The following NAPEPLD variants were observed in gnomAD, a reference collection of about 807,000 sequenced individuals.
NAPEPLD encodes the protein N-acyl-phosphatidylethanolamine-hydrolyzing phospholipase D.
NAPEPLD carries 23 observed loss-of-function variants against 38.1 expected under a neutral mutation model. The observed-to-expected ratio is 0.60, with a 90% CI of 0.43 to 0.86. NAPEPLD has a LOEUF of 0.86. NAPEPLD is among the 40% of genes least tolerant of loss of function. NAPEPLD has a pLI of 0.00. For missense variants in NAPEPLD, 411 were observed against 476.8 expected, an observed-to-expected ratio of 0.86 and a Z score of 1.28; for synonymous variants, 147 against 162.0, an observed-to-expected ratio of 0.91 and a Z score of 0.71.
At chr7:103,147,024 T>C (rs1036628764) in intron 1 of NAPEPLD, among the ~76,000 whole-genome samples, 8 of 152,250 alleles carry the variant, frequency 5.3e-5, no homozygotes, top group African/African-American at 1.9e-4. Flanking sequence ...TGCAGAAGAC[T>C]ATCTCTAACA....
At chr7:103,131,271 G>C (rs562686348) in intron 1 of NAPEPLD, among the ~76,000 whole-genome samples, 4 of 152,030 alleles carry the variant, frequency 2.6e-5, no homozygotes, top group African/African-American at 9.6e-5. Context: ...AAGGGAGAAA[G>C]GAAAAAAGGA....
chr7:103,145,984 C>T (rs180725393), intron 1 of NAPEPLD, among the ~76,000 whole-genome samples: 8,765 of 151,946 alleles, frequency 0.058, 353 homozygotes, highest in African/African-American at 0.11. Flanking sequence ...CACACACACA[C>T]ACACGCACGC....
chr7:103,128,863 T>C, intron 1 of NAPEPLD, 71 bp from the exon 2 acceptor site: 3 of 1,453,932 alleles, frequency 2.1e-6, no homozygotes, highest in Non-Finnish European at 2.8e-6. Context: ...AGGTACTATT[T>C]GTTAGCCAAT....
chr7:103,131,828 C>T (rs867842748), intron 1 of NAPEPLD, among the ~76,000 whole-genome samples: 1 of 152,186 alleles, frequency 6.6e-6, no homozygotes. Context: ...AGGCTGTGTA[C>T]TTAAGGGCTG....
At position 103,119,916 on chromosome 7, in the gene NAPEPLD, T is replaced by C. The variant is rs1368431813; in HGVS notation, c.602A>G (p.Glu201Gly). ...LDYNSVIALN[E>G]RFGNELRWFV... ...CCATCTCAACTCATTACCAAATCGCTCATTCAAAGCAATGACAGAATTGTA... is the reference window on the plus strand; with the variant it reads ...CCATCTCAACTCATTACCAAATCGCCCATTCAAAGCAATGACAGAATTGTA... The change falls in exon 3 of 5, where the codon GAG becomes GGG. Residue 201 changes from glutamate (E) to glycine (G), a missense_variant. Transcript: ENST00000465647. 6.2e-7 allele frequency: 1 copy of C among 1,614,176 alleles called. No individual in the cohort carries two copies. Among genetic ancestry groups the C allele is most frequent in the Admixed American group, 1.7e-5 (1 of 60,018 alleles).
intron 1 of NAPEPLD, among the ~76,000 whole-genome samples, chr7:103,130,795 C>A (rs1214112332): frequency 6.6e-6 from 1 of 152,098 alleles, no homozygotes; most frequent in Non-Finnish European, 1.5e-5. Flanking sequence ...TGGGGTTTCA[C>A]CGTGTTACCC....
At chr7:103,146,064 C>T (rs1416819214) in intron 1 of NAPEPLD, among the ~76,000 whole-genome samples, 1 of 151,974 alleles carries the variant, frequency 6.6e-6, no homozygotes, top group African/African-American at 2.4e-5. Flanking sequence ...TCTAAACAAA[C>T]TGAAGGAACA....
chr7:103,109,601 T>C (rs191718501), intron 4 of NAPEPLD, among the ~76,000 whole-genome samples: 206 of 152,260 alleles, frequency 1.4e-3, no homozygotes, highest in Non-Finnish European at 2.4e-3. Context: ...TTTAAAGCAG[T>C]GTGTAGAGGA....
intron 4 of NAPEPLD, among the ~76,000 whole-genome samples, chr7:103,114,007 T>C (rs1315637978): frequency 6.6e-6 from 1 of 151,962 alleles, no homozygotes; most frequent in African/African-American, 2.4e-5. Flanking sequence ...CAGGCGATTC[T>C]CCTGCCTCAG....
chr7:103,116,465 G>A (rs1805596860), intron 3 of NAPEPLD, among the ~76,000 whole-genome samples: 1 of 152,112 alleles, frequency 6.6e-6, no homozygotes, highest in Non-Finnish European at 1.5e-5. Context: ...CAAAGAAACT[G>A]AATAATTGGT....
intron 1 of NAPEPLD, among the ~76,000 whole-genome samples, chr7:103,143,278 A>G (rs557578377): frequency 6.5e-4 from 99 of 152,116 alleles, no homozygotes; most frequent in Non-Finnish European, 1.2e-3. Context: ...CTTGGGGAAT[A>G]ATTGAGTAGT....
At chr7:103,114,991 G>C (rs1459169199) in intron 4 of NAPEPLD, 69 bp downstream of exon 4, 1 of 1,190,866 alleles carries the variant, frequency 8.4e-7, no homozygotes, top group Non-Finnish European at 1.2e-6. Context: ...TGAAAACTAA[G>C]GAACAGTGAT....
chr7:103,142,010 A>T, intron 1 of NAPEPLD: 1 of 638,846 alleles, frequency 1.6e-6, no homozygotes, highest in Non-Finnish European at 2.8e-6. Context: ...GAGGCTACTG[A>T]ATCAAAATGT....
chr7:103,129,402 G>C (rs976373083), intron 1 of NAPEPLD: 8 of 761,122 alleles, frequency 1.1e-5, no homozygotes, highest in Non-Finnish European at 1.3e-5. Flanking sequence ...ACATTCTGTG[G>C]AATAAATTAA....
In NAPEPLD at chr7:103,120,133, A is replaced by G. The variant is rs768722090; in HGVS notation, c.385T>C (p.Trp129Arg). The G allele has an allele frequency of 6.2e-7, 1 of 1,614,118 alleles. No individual in the cohort carries two copies. Among genetic ancestry groups the G allele is most frequent in the East Asian group, 2.2e-5 (1 of 44,906 alleles). The stretch of plus-strand genomic sequence containing the variant: ...ACCATTACCGTGGCATGTCCCAGCC[A>G]TGTGACTCTTAAGCCAGCTTCCCTC... ...GVREAGLRVT[W>R]LGHATVMVEM... The change falls in exon 3 of 5, where the codon TGG (tryptophan) becomes CGG (arginine). Residue 129 changes from tryptophan (W) to arginine (R), a missense_variant. By Grantham distance (101) the Trp-to-Arg change is moderately radical (BLOSUM62 -3). Transcript: ENST00000465647.
chr7:103,132,971 G>A (rs1046206172), intron 1 of NAPEPLD, among the ~76,000 whole-genome samples: 2 of 152,030 alleles, frequency 1.3e-5, no homozygotes, highest in African/African-American at 2.4e-5. Context: ...TTACCAAATA[G>A]CCATCCTCTC....
intron 4 of NAPEPLD, among the ~76,000 whole-genome samples, chr7:103,113,626 C>A (rs1804979311): frequency 2.1e-5 from 2 of 93,974 alleles, no homozygotes; most frequent in Non-Finnish European, 4.1e-5. Context: ...CAGAGTCTCA[C>A]TTTTTTTTTT....
At chr7:103,148,606 C>A (rs1425581743) in intron 1 of NAPEPLD, among the ~76,000 whole-genome samples, 2 of 151,470 alleles carry the variant, frequency 1.3e-5, no homozygotes, top group Non-Finnish European at 2.9e-5. Context: ...CCTTCCACCA[C>A]CCCTCCCCAG....
chr7:103,131,192 CAT>C (rs1358479805), intron 1 of NAPEPLD, among the ~76,000 whole-genome samples: 1 of 151,910 alleles, frequency 6.6e-6, no homozygotes, highest in African/African-American at 2.4e-5. Context: ...TATATATACA[CAT>C]ATATATCATA....
Sources: allele counts gnomAD v4.1 joint callset (sites outside exome capture counted in the v4.1 genomes callset), GRCh38; gene constraint gnomAD v4.1.1; transcripts MANE v1.5; gene names NCBI Gene and HGNC (gene_info 2026-07-23, HGNC 2026-07-21).